DOCK2: variants seen among roughly 807,000 people sequenced by gnomAD.
DOCK2 encodes dedicator of cytokinesis protein 2.
In DOCK2, 87 loss-of-function variants were observed where a neutral mutation model predicts 248.9. That is an observed-to-expected ratio of 0.35 (90% CI 0.29 to 0.42). The LOEUF is 0.42. Among genes scored for constraint, DOCK2 ranks in the 10% least tolerant of loss-of-function variants. The pLI is 1.00. For missense variants in DOCK2, 1,747 were observed against 2,300.2 expected, an observed-to-expected ratio of 0.76 and a Z score of 4.92; for synonymous variants, 805 against 821.6, an observed-to-expected ratio of 0.98 and a Z score of 0.35.
intron 25 of DOCK2, among the ~76,000 whole-genome samples, chr5:169,799,024 T>G (rs936165105): frequency 1.3e-5 from 2 of 152,222 alleles, no homozygotes; most frequent in East Asian, 3.8e-4. Context: ...TATCAAATCT[T>G]TAGCTTCAGC....
intron 27 of DOCK2, among the ~76,000 whole-genome samples, chr5:169,978,804 C>T (rs556130300): frequency 4.8e-4 from 73 of 152,306 alleles, no homozygotes; most frequent in Non-Finnish European, 8.5e-4. Context: ...AGTCCCTCAT[C>T]AGCCAAGTGC....
intron 27 of DOCK2, among the ~76,000 whole-genome samples, chr5:169,871,248 T>G (rs1176938923): frequency 2.0e-5 from 3 of 152,234 alleles, no homozygotes; most frequent in Non-Finnish European, 2.9e-5. Context: ...CCTTTGATTT[T>G]TCTGCTTAAA....
Position 169,826,631 on chromosome 5 carries a change from G to C in DOCK2, c.2704-14126G>C, listed in dbSNP as rs763348809. Among the ~76,000 whole-genome samples the C allele has an allele frequency of 5.9e-4, 89 of 152,132 alleles. 1 individual carries two copies. Among genetic ancestry groups the C allele is most frequent in the Non-Finnish European group, 8.4e-4 (57 of 68,020 alleles). ...AAGAGTGGTTGGTCTGACTCACTGC[G>C]AGTGAGACTTGATACAGTTTCAAGG... On this transcript the variant is annotated intron_variant, in intron 26 of 51. Transcript: ENST00000520908.
rs1755975668 is a variant in DOCK2, at chr5:170,027,859, T to C, written c.3382-4T>C. 1 of 1,611,906 alleles carries C rather than the reference T, an allele frequency of 6.2e-7. No individual in the cohort carries two copies. The highest frequency in any genetic ancestry group is 1.1e-5 in the South Asian group (1 of 90,720). The stretch of plus-strand genomic sequence containing the variant: ...TTGTTGATTTTTGTCTCCTACATCT[T>C]CAGTTTGAAAACGAAATCATCCTGA... On this transcript the variant is annotated splice_polypyrimidine_tract_variant and splice_region_variant and intron_variant, in intron 33 of 51. Coordinates refer to ENST00000520908, the MANE Select transcript of DOCK2 (RefSeq NM_004946.3).
chr5:169,824,629 G>T (rs541150472), intron 26 of DOCK2, among the ~76,000 whole-genome samples: 2 of 152,116 alleles, frequency 1.3e-5, no homozygotes, highest in African/African-American at 2.4e-5. Flanking sequence ...AATTCAAGAT[G>T]GTTTGAAGAC....
At position 170,068,508 on chromosome 5, in the gene DOCK2, C is replaced by T. The variant is rs192840248; in HGVS notation, c.4645-629C>T. Among the ~76,000 whole-genome samples, 22 of 152,280 alleles carry T rather than the reference C, an allele frequency of 1.4e-4. No individual in the cohort carries two copies. In the East Asian group the frequency reaches 4.2e-3, roughly 29 times the overall value. The stretch of plus-strand genomic sequence containing the variant: ...ATAATTTGGGGACAATAATTCCAGT[C>T]ACCTAATCAATCCTTCCAACTACCC... On this transcript the variant is annotated intron_variant, in intron 45 of 51. Coordinates refer to ENST00000520908, the MANE Select transcript of DOCK2 (RefSeq NM_004946.3).
Position 169,820,953 on chromosome 5 carries a change from C to T in DOCK2, c.2703+17747C>T, listed in dbSNP as rs576942010. Among the ~76,000 whole-genome samples, 518 of 152,256 alleles carry T rather than the reference C, an allele frequency of 3.4e-3. 10 individuals are homozygous for T. The South Asian group carries it at 0.052, about 15-fold the overall frequency. ...CCTGATGGAGCTGAAAACCACGGCA[C>T]GAGAACTACGTGACGAATGCACAAG... On this transcript the variant is annotated intron_variant, in intron 26 of 51. Coordinates refer to ENST00000520908, the MANE Select transcript of DOCK2 (RefSeq NM_004946.3).
chr5:169,867,405 C>A (rs546787984), intron 27 of DOCK2, among the ~76,000 whole-genome samples: 1 of 93,214 alleles, frequency 1.1e-5, no homozygotes, highest in Non-Finnish European at 2.3e-5. Context: ...GGGTGAAAAC[C>A]TCTCTGTCTG....
chr5:169,869,940 GA>G (rs2113452109), intron 27 of DOCK2, among the ~76,000 whole-genome samples: 1 of 152,212 alleles, frequency 6.6e-6, no homozygotes, highest in East Asian at 1.9e-4. Flanking sequence ...GATAGGTGCA[GA>G]GTGCTGAGTT....
chr5:170,054,280 T>C (rs940034616), intron 41 of DOCK2, among the ~76,000 whole-genome samples: 6 of 152,082 alleles, frequency 3.9e-5, no homozygotes, highest in African/African-American at 1.2e-4. Flanking sequence ...ATGGTGGTCA[T>C]TGGGTAGAAT....
chr5:169,905,342 A>G (rs1257800777), intron 27 of DOCK2, among the ~76,000 whole-genome samples: 1 of 151,700 alleles, frequency 6.6e-6, no homozygotes, highest in Non-Finnish European at 1.5e-5. Flanking sequence ...AAATATCCCA[A>G]CTTTTAAATG....
At position 169,698,406 on chromosome 5, in the gene DOCK2, G is replaced by A; in HGVS notation, c.1012G>A (p.Ala338Thr). The A allele has an allele frequency of 6.2e-7, 1 of 1,614,132 alleles. No individual in the cohort carries two copies. Among genetic ancestry groups the A allele is most frequent in the Non-Finnish European group, 8.5e-7 (1 of 1,179,956 alleles). ...TATAACAGACATCATCAAGGGGAAAGCAGAGAGTGATGAAGAAAAGCAGCA... is the reference window on the plus strand; with the variant it reads ...TATAACAGACATCATCAAGGGGAAAACAGAGAGTGATGAAGAAAAGCAGCA... ...MDITDIIKGK[A>T]ESDEEKQHFI... The change falls in exon 11 of 52, where the codon GCA (alanine) becomes ACA (threonine). Residue 338 changes from alanine (A) to threonine (T), a missense_variant. Physicochemically the swap from Ala to Thr is moderately conservative, Grantham distance 58. Transcript: ENST00000520908.
At chr5:169,879,802 G>A (rs941874628) in intron 27 of DOCK2, among the ~76,000 whole-genome samples, 1 of 152,168 alleles carries the variant, frequency 6.6e-6, no homozygotes, top group African/African-American at 2.4e-5. Flanking sequence ...AAAATGATTT[G>A]CCCAAGGCGA....
chr5:169,655,344 A>C lies in DOCK2; in HGVS notation c.127+858A>C, dbSNP rs1758047779. On this transcript the variant is annotated intron_variant, in intron 2 of 51. Transcript: ENST00000520908. ...CGGCAGAGTGGTAGAGGAAGAAGAG[A>C]GAGTGTATTGAGCACATAGGCCTGT... Among the ~76,000 whole-genome samples, 4 of 152,264 alleles carry C rather than the reference A, an allele frequency of 2.6e-5. No individual in the cohort carries two copies. In the South Asian group the frequency reaches 8.3e-4, roughly 32 times the overall value.
At chr5:169,896,884 AG>A (rs11339615) in intron 27 of DOCK2, among the ~76,000 whole-genome samples, 30,264 of 152,162 alleles carry the variant, frequency 0.2, 4,288 homozygotes, top group African/African-American at 0.4. Context: ...AGAAGATGAG[AG>A]GTAAAAAATA....
chr5:170,062,689 AC>A (rs1757373638), intron 44 of DOCK2, among the ~76,000 whole-genome samples: 1 of 152,158 alleles, frequency 6.6e-6, no homozygotes, highest in African/African-American at 2.4e-5. Context: ...GCAGAGTTAG[AC>A]ATATGCAAGT....
chr5:169,990,501 C>A (rs1001403241), intron 29 of DOCK2, among the ~76,000 whole-genome samples: 1 of 152,178 alleles, frequency 6.6e-6, no homozygotes, highest in Non-Finnish European at 1.5e-5. Context: ...TAACTGGAAT[C>A]CCAAATTATG....
At chr5:169,952,908 G>A (rs973154323) in intron 27 of DOCK2, among the ~76,000 whole-genome samples, 1 of 152,200 alleles carries the variant, frequency 6.6e-6, no homozygotes, top group African/African-American at 2.4e-5. Flanking sequence ...TGGAACATAG[G>A]AAGAGAGCCT....
intron 27 of DOCK2, among the ~76,000 whole-genome samples, chr5:169,948,482 T>C (rs1428047246): frequency 6.6e-6 from 1 of 152,158 alleles, no homozygotes; most frequent in East Asian, 1.9e-4. Flanking sequence ...TCTCTCTCTC[T>C]ATCTGTATAT....
Sources: gnomAD v4.1 joint callset for allele counts (sites outside exome capture counted in the v4.1 genomes callset) on GRCh38, gnomAD v4.1.1 for gene constraint, MANE v1.5 for transcripts, NCBI Gene and HGNC (gene_info 2026-07-23, HGNC 2026-07-21) for gene names.